Variants in SLC49A3 observed in about 807,000 individuals in gnomAD.
The protein encoded by SLC49A3 is solute carrier family 49 member A3.
In SLC49A3, 50 loss-of-function variants were observed where a neutral mutation model predicts 43.8. That is an observed-to-expected ratio of 1.14 (90% CI 0.91 to 1.45). The LOEUF (loss-of-function observed/expected upper bound fraction) is 1.45. Among genes scored for constraint, SLC49A3 ranks in the 40% most tolerant of loss-of-function variants. SLC49A3 has a pLI of 0.00. For synonymous variants in SLC49A3, 413 were observed against 352.0 expected, an observed-to-expected ratio of 1.17 and a Z score of -1.94; for missense variants, 906 against 774.1, an observed-to-expected ratio of 1.17 and a Z score of -2.02.
intron 1 of SLC49A3, 65 bp from the exon 2 acceptor site, chr4:686,755 G>C (rs1423946221): frequency 2.6e-6 from 4 of 1,557,830 alleles, no homozygotes; most frequent in African/African-American, 2.7e-5. Context: ...TGTGGCCCCA[G>C]CCAGCCCGAG....
chr4:689,077 C>G lies in SLC49A3; in HGVS notation c.51G>C (p.Leu17=). ...AETGLAEPRA[L]CAQRGHRTYA... ...AGGTGCGGTGGCCCCGCTGCGCGCA[C>G]AGGGCCCGGGGCTCGGCCAACCCCG... is the stretch of plus-strand genomic sequence containing the variant. The change falls in exon 1 of 10, where the codon CTG becomes CTC. Residue 17 remains leucine (L), a synonymous_variant. Transcript: ENST00000322224. The G allele has an allele frequency of 6.4e-7, 1 of 1,563,504 alleles. No individual in the cohort carries two copies.
downstream of SLC49A3, chr4:678,392 A>T: frequency 7.1e-7 from 1 of 1,415,168 alleles, no homozygotes; most frequent in Non-Finnish European, 9.2e-7. Flanking sequence ...CTGGACGGCG[A>T]TCCCTGACCA....
Position 688,303 on chromosome 4 carries a change from G to T in SLC49A3, c.135+690C>A, listed in dbSNP as rs1741446228. Reference sequence around the variant, plus strand: ...CCAGCCAGCAAAGGAGGAGGGGAGAGGCCCCGGGGTCCACCTGGAAGAGCC... The same window carrying T: ...CCAGCCAGCAAAGGAGGAGGGGAGATGCCCCGGGGTCCACCTGGAAGAGCC... On this transcript the variant is annotated intron_variant, in intron 1 of 9. Coordinates refer to ENST00000322224, the MANE Select transcript of SLC49A3 (RefSeq NM_032219.4). Among the ~76,000 whole-genome samples, 4 of 152,152 alleles carry T rather than the reference G, an allele frequency of 2.6e-5. 1 individual carries two copies. The South Asian group carries it at 8.3e-4, about 32-fold the overall frequency.
chr4:679,118 C>A, downstream of SLC49A3: 1 of 1,126,770 alleles, frequency 8.9e-7, no homozygotes, highest in South Asian at 1.5e-5. Flanking sequence ...GGCCCCTCCT[C>A]GAATGGAGCC....
chr4:683,555 G>A, intron 7 of SLC49A3, 54 bp downstream of exon 7: 1 of 1,568,534 alleles, frequency 6.4e-7, no homozygotes, highest in Non-Finnish European at 8.6e-7. Context: ...CCCTCTCCGG[G>A]CCTCACCACC....
At chr4:679,542 AGG>A (rs1462043217), downstream of SLC49A3, among the ~76,000 whole-genome samples, 3 of 152,106 alleles carry the variant, frequency 2.0e-5, no homozygotes, top group East Asian at 5.8e-4. Flanking sequence ...CTGAGGCAGG[AGG>A]GCAGGGGGCT....
At chr4:680,787 C>T (rs1739390802), downstream of SLC49A3, 8 of 656,078 alleles carry the variant, frequency 1.2e-5, no homozygotes, top group African/African-American at 1.8e-5. Context: ...CGCCTGTGCC[C>T]GGTGGGGGTG....
chr4:680,868 G>A (rs907025850), downstream of SLC49A3: 7 of 643,694 alleles, frequency 1.1e-5, no homozygotes, highest in Non-Finnish European at 1.9e-5. Context: ...ACCAGGCGCT[G>A]GCCTGTAACC....
At chr4:687,674 G>A (rs1489577225) in intron 1 of SLC49A3, among the ~76,000 whole-genome samples, 5 of 152,188 alleles carry the variant, frequency 3.3e-5, no homozygotes, top group African/African-American at 9.7e-5. Context: ...GTGGGAGGAC[G>A]ATCTGTCTGA....
intron 6 of SLC49A3, among the ~76,000 whole-genome samples, chr4:684,150 A>C (rs1169833518): frequency 2.0e-5 from 3 of 152,202 alleles, no homozygotes; most frequent in Non-Finnish European, 4.4e-5. Context: ...TGGATACCAG[A>C]AGGTGGCGCT....
At position 682,245 on chromosome 4, in the gene SLC49A3, C is replaced by T. The variant is rs1326103236; in HGVS notation, c.1393G>A (p.Ala465Thr). The change falls in exon 10 of 10, where the codon GCA (alanine) becomes ACA (threonine). Residue 465 changes from alanine (A) to threonine (T), a missense_variant. Coordinates refer to ENST00000322224, the MANE Select transcript of SLC49A3 (RefSeq NM_032219.4). ...CGGTCCACACCCGGCCCTGAGTCTG[C>T]GCCGCCCACGGCGTTACGGGTGGAG... ...PPSTRNAVGG[A>T]DSGPGVDRGG... The T allele has an allele frequency of 3.6e-6, 5 of 1,380,006 alleles. No individual in the cohort carries two copies. In the African/African-American group the frequency reaches 4.5e-5, roughly 12 times the overall value. 85.5% of individuals were successfully genotyped at this position (1,380,006 alleles called of 1,614,324 possible). A position where few individuals can be genotyped will look rare whatever the true frequency, so the allele number is the denominator to read the frequency against.
At chr4:681,191 C>T (rs1317882801), downstream of SLC49A3, 1 of 1,571,576 alleles carries the variant, frequency 6.4e-7, no homozygotes, top group African/African-American at 1.3e-5. Flanking sequence ...GCGGGGCTCC[C>T]GGGGTCAGCT....
At chr4:689,164 G>A (rs983385744), upstream of SLC49A3, 2 of 1,279,482 alleles carry the variant, frequency 1.6e-6, no homozygotes. Flanking sequence ...CGGTCCCGCC[G>A]GCCGCCCGGG....
chr4:678,041 G>A (rs368566355), downstream of SLC49A3: 73 of 1,613,184 alleles, frequency 4.5e-5, no homozygotes, highest in Middle Eastern at 6.6e-4. Flanking sequence ...TGAGCAGGCC[G>A]CCGTGCATGC....
Position 684,898 on chromosome 4 carries a change from G to A in SLC49A3, c.586-42C>T, listed in dbSNP as rs770417925. On this transcript the variant is annotated intron_variant, in intron 4 of 9. Coordinates refer to ENST00000322224, the MANE Select transcript of SLC49A3 (RefSeq NM_032219.4). ...GTGCACAAGGAGACCACGCAGACTGGCACCCACACACGCCGCAGCCCTGCC... is the reference window on the plus strand; with the variant it reads ...GTGCACAAGGAGACCACGCAGACTGACACCCACACACGCCGCAGCCCTGCC... 2.5e-6 allele frequency: 4 copies of A among 1,591,028 alleles called. No homozygotes were observed. The South Asian group carries it at 3.4e-5, about 13-fold the overall frequency.
chr4:683,850 G>A (rs1170625097), intron 6 of SLC49A3, 89 bp from the exon 7 acceptor site: 14 of 1,425,786 alleles, frequency 9.8e-6, no homozygotes, highest in South Asian at 3.0e-5. Flanking sequence ...GTGTAGGGCC[G>A]TGTGCTGTGC....
chr4:680,956 C>A, downstream of SLC49A3: 1 of 1,011,150 alleles, frequency 9.9e-7, no homozygotes, highest in Non-Finnish European at 1.5e-6. Flanking sequence ...GGACCTGCCC[C>A]AGGGCCACAC....
In SLC49A3 at chr4:686,446, G is replaced by A. The variant is rs112771021; in HGVS notation, c.294+86C>T. ...CCAGCTGTTGGGACTGGTGGGCCCC[G>A]GTCTGGGGAGGCCTTGACTCTCCTA... is the stretch of plus-strand genomic sequence containing the variant. On this transcript the variant is annotated intron_variant, in intron 2 of 9. Transcript: ENST00000322224. The A allele has an allele frequency of 3.3e-5, 51 of 1,565,416 alleles. No individual in the cohort carries two copies. The African/African-American group carries it at 3.4e-4, about 10-fold the overall frequency.
chr4:686,195 G>T lies in SLC49A3; in HGVS notation c.402C>A (p.Ser134Arg). The change falls in exon 3 of 10, where the codon AGC becomes AGA. Residue 134 changes from serine (S) to arginine (R), a missense_variant. Transcript: ENST00000322224. ...NPFAFLMGGQSLCALAQSLVI... is the reference protein window; with the variant it reads ...NPFAFLMGGQRLCALAQSLVI... ...CCAGGCTCTGGGCAAGGGCACAGAG[G>T]CTCTGGCCACCCATGAGGAAGGCAA... The T allele has an allele frequency of 6.2e-7, 1 of 1,613,546 alleles. No homozygotes were observed. The highest frequency in any genetic ancestry group is 1.1e-5 in the South Asian group (1 of 91,088).
Sources: gnomAD v4.1 joint callset for allele counts (sites outside exome capture counted in the v4.1 genomes callset) on GRCh38, gnomAD v4.1.1 for gene constraint, MANE v1.5 for transcripts, NCBI Gene and HGNC (gene_info 2026-07-23, HGNC 2026-07-21) for gene names.